The following LRIG3 variants were observed in gnomAD, a reference collection of about 807,000 sequenced individuals.
The protein encoded by LRIG3 is leucine-rich repeats and immunoglobulin-like domains protein 3.
LRIG3 carries 76 observed loss-of-function variants against 114.5 expected under a neutral mutation model. The observed-to-expected ratio is 0.66, with a 90% CI of 0.55 to 0.80. The LOEUF (loss-of-function observed/expected upper bound fraction) is 0.80, where lower values mean the gene tolerates loss of function less well. Among genes scored for constraint, LRIG3 ranks in the 30% least tolerant of loss-of-function variants. The probability of loss-of-function intolerance (pLI) is 0.00; values close to 1 mark genes in which losing one functional copy is unlikely to be tolerated. For missense variants in LRIG3, 1,239 were observed against 1,382.8 expected (o/e 0.90, Z 1.65); for synonymous variants, 512 against 519.8 (o/e 0.98, Z 0.20).
chr12:58,893,450 C>G (rs1871523277), intron 3 of LRIG3, among the ~76,000 whole-genome samples: 1 of 152,188 alleles, frequency 6.6e-6, no homozygotes, highest in African/African-American at 2.4e-5. Context: ...AAATGAGTAT[C>G]AAGCCCTTCA....
Position 58,894,227 on chromosome 12 carries a change from G to T in LRIG3, c.384-3431C>A, listed in dbSNP as rs1871557103. Among the ~76,000 whole-genome samples the T allele has an allele frequency of 2.0e-5, 3 of 152,302 alleles. 1 individual carries two copies. In the South Asian group the frequency reaches 6.2e-4, roughly 32 times the overall value. On this transcript the variant is annotated intron_variant, in intron 3 of 18. Coordinates refer to ENST00000320743, the MANE Select transcript of LRIG3 (RefSeq NM_153377.5). The stretch of plus-strand genomic sequence containing the variant: ...GTGTGAAAGTGCTCAGTTCTAGACG[G>T]AGCGTGCACAGTGCTGTCTTTGTCA...
intron 3 of LRIG3, among the ~76,000 whole-genome samples, chr12:58,904,296 G>C (rs10877186): frequency 0.16 from 23,772 of 152,106 alleles, 2,660 homozygotes; most frequent in African/African-American, 0.31. Context: ...TAGGCCAGGA[G>C]AGAGACACAT....
rs1303766174 is a variant in LRIG3 at position 58,872,330 on chromosome 12, G to A, written c.*242C>T. 5 of 272,562 alleles carry A rather than the reference G, an allele frequency of 1.8e-5. No individual in the cohort carries two copies. Among genetic ancestry groups the A allele is most frequent in the East Asian group, 1.4e-4 (2 of 14,580 alleles). 16.9% of individuals were successfully genotyped at this position (272,562 alleles called of 1,614,324 possible). A position where few individuals can be genotyped will look rare whatever the true frequency, so the allele number is the denominator to read the frequency against. ...ATCATGATTTATATCATTAATTTAC[G>A]TAAGATACTTTTTTGCATAAAACAA... On this transcript the variant is annotated 3_prime_UTR_variant, in exon 19 of 19. Transcript: ENST00000320743.
intron 1 of LRIG3, among the ~76,000 whole-genome samples, chr12:58,918,160 T>C (rs1279315265): frequency 6.6e-6 from 1 of 152,238 alleles, no homozygotes; most frequent in Non-Finnish European, 1.5e-5. Context: ...TGCTTATTTA[T>C]ACAAGTGGAA....
intron 3 of LRIG3, among the ~76,000 whole-genome samples, chr12:58,898,197 C>T (rs1335615920): frequency 6.6e-6 from 1 of 152,116 alleles, no homozygotes; most frequent in East Asian, 1.9e-4. Context: ...CACAGTAACT[C>T]AAACTACAGC....
chr12:58,900,244 T>C (rs1871795138), intron 3 of LRIG3, among the ~76,000 whole-genome samples: 1 of 152,062 alleles, frequency 6.6e-6, no homozygotes, highest in African/African-American at 2.4e-5. Context: ...CCCATCTTTA[T>C]AGGTTCTAAA....
At position 58,920,492 on chromosome 12, in the gene LRIG3, C is replaced by A; in HGVS notation, c.-257G>T. 2.8e-6 allele frequency: 1 copy of A among 356,476 alleles called. No individual in the cohort carries two copies. Among genetic ancestry groups the A allele is most frequent in the East Asian group, 4.2e-5 (1 of 23,972 alleles). The allele number at this position is 356,476 out of a possible 1,614,324, so 22.1% of individuals were successfully genotyped here. A position where few individuals can be genotyped will look rare whatever the true frequency, so the allele number is the denominator to read the frequency against. ...TGAGCAGCGTCGGCTCGCCGAAGCC[C>A]CTTCTTGTCTGCAAAAGAAACTTTT... is the stretch of plus-strand genomic sequence containing the variant. On this transcript the variant is annotated 5_prime_UTR_variant, in exon 1 of 19. Transcript: ENST00000320743.
intron 4 of LRIG3, 140 bp from the exon 5 acceptor site, chr12:58,890,279 G>A: frequency 1.1e-6 from 1 of 905,728 alleles, no homozygotes; most frequent in Non-Finnish European, 1.6e-6. Context: ...GGTCCTCAAG[G>A]ACAGATGTTA....
intron 3 of LRIG3, among the ~76,000 whole-genome samples, chr12:58,896,288 T>C (rs1871639259): frequency 6.6e-6 from 1 of 152,228 alleles, no homozygotes; most frequent in Non-Finnish European, 1.5e-5. Context: ...CTGGTTCTAC[T>C]TCTTGATTCA....
chr12:58,915,118 G>C (rs1872428916), intron 1 of LRIG3, among the ~76,000 whole-genome samples: 1 of 152,164 alleles, frequency 6.6e-6, no homozygotes, highest in Admixed American at 6.5e-5. Context: ...CTCTAGGCTA[G>C]AAAGTCATCT....
intron 3 of LRIG3, among the ~76,000 whole-genome samples, chr12:58,898,666 T>C (rs962286201): frequency 6.6e-6 from 1 of 151,132 alleles, no homozygotes; most frequent in African/African-American, 2.4e-5. Flanking sequence ...TCTCCCTTGT[T>C]TTTTTTTTCT....
chr12:58,872,530 CT>C lies in LRIG3; in HGVS notation c.*41del, dbSNP rs376864418. On this transcript the variant is annotated 3_prime_UTR_variant, in exon 19 of 19. Transcript: ENST00000320743. Reference sequence around the variant, plus strand: ...TCTCTCTCTTTTAAATAAAAGTTCACTTGAGGTAGTATGTTAAGCTTTTCCT... The same window carrying C: ...TCTCTCTCTTTTAAATAAAAGTTCACTGAGGTAGTATGTTAAGCTTTTCCT... 1.8e-4 allele frequency: 265 copies of C among 1,505,458 alleles called. 2 individuals carry two copies. In the East Asian group the frequency reaches 3.7e-3, roughly 21 times the overall value. The allele number at this position is 1,505,458 out of a possible 1,614,324, so 93.3% of individuals were successfully genotyped here.
At chr12:58,888,034 T>C in intron 7 of LRIG3, 102 bp from the exon 8 acceptor site, 1 of 1,036,450 alleles carries the variant, frequency 9.6e-7, no homozygotes, top group Non-Finnish European at 1.4e-6. Context: ...CTAATCCTTA[T>C]TTTTAAATTC....
At position 58,917,466 on chromosome 12, in the gene LRIG3, G is replaced by GT. The variant is rs894138021; in HGVS notation, c.236+2533dup. On this transcript the variant is annotated intron_variant, in intron 1 of 18. Transcript: ENST00000320743. The stretch of plus-strand genomic sequence containing the variant: ...CAAGGCTTGGCGTAGTTACTGGGTT[G>GT]TTTTTTTTTAGACAAAGTCTCGCTC... Among the ~76,000 whole-genome samples, 10 of 150,786 alleles carry GT rather than the reference G, an allele frequency of 6.6e-5. No homozygotes were observed. In the South Asian group the frequency reaches 8.5e-4, roughly 13 times the overall value.
At chr12:58,885,175 C>T (rs1330341786) in intron 10 of LRIG3, among the ~76,000 whole-genome samples, 1 of 152,112 alleles carries the variant, frequency 6.6e-6, no homozygotes, top group Non-Finnish European at 1.5e-5. Context: ...CTGCTTCTGA[C>T]AGCTACTAAC....
rs1298516534 is a variant in LRIG3, at chr12:58,877,580, G to A, written c.2356C>T (p.Pro786Ser). 3 of 1,614,066 alleles carry A rather than the reference G, an allele frequency of 1.9e-6. No individual in the cohort carries two copies. Among genetic ancestry groups the A allele is most frequent in the African/African-American group, 2.7e-5 (2 of 74,930 alleles). The change falls in exon 15 of 19, where the codon CCC becomes TCC. Residue 786 changes from proline to serine, a missense_variant. By Grantham distance (74) the Pro-to-Ser change is moderately conservative (BLOSUM62 -1). Coordinates refer to ENST00000320743, the MANE Select transcript of LRIG3 (RefSeq NM_153377.5). ...ERGNVRLSVI[P>S]TPTCDSPQMT... ...TGAGGGGAGTCGCAGGTTGGAGTGG[G>A]GATCACACTGAGGCGCACGTTTCCT...
At position 58,885,892 on chromosome 12, in the gene LRIG3, C is replaced by T; in HGVS notation, c.1183G>A (p.Gly395Arg). Residue 395 changes from glycine (G) to arginine (R), a missense_variant, in exon 10 of 19, where the codon GGA becomes AGA. Transcript: ENST00000320743. ...LDKLRRLILQ[G>R]NRIRSITKKA... Reference sequence around the variant, plus strand: ...TTAGTAATAGAACGGATCCGATTTCCTTGGAGTATCCTGGGGAAAAAAATT... The same window carrying T: ...TTAGTAATAGAACGGATCCGATTTCTTTGGAGTATCCTGGGGAAAAAAATT... 1 of 1,583,602 alleles carries T rather than the reference C, an allele frequency of 6.3e-7. No homozygotes were observed. Among genetic ancestry groups the T allele is most frequent in the South Asian group, 1.1e-5 (1 of 89,110 alleles).
chr12:58,897,847 C>T (rs1871697716), intron 3 of LRIG3, among the ~76,000 whole-genome samples: 1 of 152,106 alleles, frequency 6.6e-6, no homozygotes, highest in Admixed American at 6.5e-5. Context: ...TTTTTTGGGG[C>T]AGAGGCCTTC....
In LRIG3 at chr12:58,874,079, C is replaced by G. The variant is rs764607745; in HGVS notation, c.3091G>C (p.Val1031Leu). The G allele has an allele frequency of 3.1e-6, 5 of 1,614,054 alleles. No individual in the cohort carries two copies. The Admixed American group carries it at 8.3e-5, about 27-fold the overall frequency. ...DFSANPEPAS[V>L]ASSNSFMGTF... ...CCCATGAAAGAATTACTCGAGGCAACCGACGCTGGCTCTGGATTTGCACTA... is the reference window on the plus strand; with the variant it reads ...CCCATGAAAGAATTACTCGAGGCAAGCGACGCTGGCTCTGGATTTGCACTA... Residue 1031 changes from valine (V) to leucine (L), a missense_variant, in exon 18 of 19, where the codon GTT becomes CTT. Physicochemically the swap from Val to Leu is conservative, Grantham distance 32. Coordinates refer to ENST00000320743, the MANE Select transcript of LRIG3 (RefSeq NM_153377.5).
Sources: allele counts gnomAD v4.1 joint callset (sites outside exome capture counted in the v4.1 genomes callset), GRCh38; gene constraint gnomAD v4.1.1; transcripts MANE v1.5; gene names NCBI Gene and HGNC (gene_info 2026-07-23, HGNC 2026-07-21).